The following PLXDC1 variants were observed in gnomAD, a reference collection of about 807,000 sequenced individuals.
PLXDC1 encodes plexin domain-containing protein 1.
A neutral mutation model predicts 61.3 loss-of-function variants in PLXDC1; 39 were observed. That is an observed-to-expected ratio of 0.64 (90% CI 0.49 to 0.83). The LOEUF (loss-of-function observed/expected upper bound fraction) is 0.83. PLXDC1 is among the 40% of genes least tolerant of loss of function. The pLI, the probability that PLXDC1 is intolerant of heterozygous loss-of-function variation, is 0.00. For synonymous variants in PLXDC1, 212 were observed against 254.5 expected (o/e 0.83, Z 1.59); for missense variants, 596 against 666.5 (o/e 0.89, Z 1.17).
At position 39,067,830 on chromosome 17, in the gene PLXDC1, C is replaced by A. The variant is rs766695318; in HGVS notation, c.*10G>T. 6.2e-7 allele frequency: 1 copy of A among 1,608,088 alleles called. No individual in the cohort carries two copies. Among genetic ancestry groups the A allele is most frequent in the Non-Finnish European group, 8.5e-7 (1 of 1,176,244 alleles). ...GGCCTCAAAGTCTTCAAAGGGGAGACTTGGTGTTCTCAGCACTGCTCAGCC... is the reference window on the plus strand; with the variant it reads ...GGCCTCAAAGTCTTCAAAGGGGAGAATTGGTGTTCTCAGCACTGCTCAGCC... On this transcript the variant is annotated 3_prime_UTR_variant, in exon 14 of 14. Transcript: ENST00000315392.
At chr17:39,108,267 G>A (rs200730916) in intron 4 of PLXDC1, 22 bp from the exon 5 acceptor site, 10 of 1,613,116 alleles carry the variant, frequency 6.2e-6, no homozygotes, top group South Asian at 1.1e-5. Flanking sequence ...GAGGTGCAGA[G>A]GAGTCACCAG....
At chr17:39,072,542 ACT>A in intron 11 of PLXDC1, 57 bp from the exon 12 acceptor site, 3 of 1,091,638 alleles carry the variant, frequency 2.7e-6, no homozygotes, top group Non-Finnish European at 4.1e-6. Flanking sequence ...AGCCTTTGTC[ACT>A]CTGAGTCCAG....
rs1161140876 is a variant in PLXDC1, at chr17:39,095,377, CCCAACCCCCCAA to C, written c.812-7687_812-7676del. ...GAATCCTTACGCCCCGCCCCCCCCC[CCCAACCCCCCAA>C]GCCTGGGTTATTTGTTTTGGATTGT... is the stretch of plus-strand genomic sequence containing the variant. On this transcript the variant is annotated intron_variant, in intron 7 of 13. Transcript: ENST00000315392. Among the ~76,000 whole-genome samples, 12 of 58,382 alleles carry C rather than the reference CCCAACCCCCCAA, an allele frequency of 2.1e-4. No individual in the cohort carries two copies. In the East Asian group the frequency reaches 5.0e-3, roughly 24 times the overall value. The allele number at this position is 58,382 out of a possible 152,430, so 38.3% of individuals were successfully genotyped here.
intron 10 of PLXDC1, 134 bp downstream of exon 10, chr17:39,078,970 C>T: frequency 1.4e-6 from 1 of 713,898 alleles, no homozygotes; most frequent in East Asian, 2.7e-5. Context: ...GAAAACAAAT[C>T]TTAGATGGAA....
intron 2 of PLXDC1, among the ~76,000 whole-genome samples, chr17:39,128,115 G>GTATATATT (rs1911390925): frequency 2.9e-5 from 1 of 34,614 alleles, no homozygotes; most frequent in African/African-American, 8.5e-5. Flanking sequence ...ATATATATAT[G>GTATATATT]TATATATATA....
Position 39,151,579 on chromosome 17 carries a change from G to A in PLXDC1, c.-142C>T, listed in dbSNP as rs2045373121. 8.5e-7 allele frequency: 1 copy of A among 1,182,270 alleles called. No homozygotes were observed. Among genetic ancestry groups the A allele is most frequent in the African/African-American group, 1.6e-5 (1 of 62,480 alleles). 73.2% of individuals were successfully genotyped at this position (1,182,270 alleles called of 1,614,324 possible). On this transcript the variant is annotated 5_prime_UTR_variant, in exon 1 of 14. Transcript: ENST00000315392. This position sits in a 1 kb window ranked among gnomAD's most constrained non-coding sequence, Gnocchi z 5.2. ...AGGAGACGGCGGAGCGCGGGGCCGG[G>A]CGAGCCGGCAGGAGCGGCGAGAGCG...
At position 39,067,939 on chromosome 17, in the gene PLXDC1, T is replaced by G; in HGVS notation, c.1404A>C (p.Pro468=). Residue 468 remains proline, a synonymous_variant, in exon 14 of 14, where the codon CCA becomes CCC. Transcript: ENST00000315392. ...CAGGGTGGCTGCGAAACTTCATGGC[T>G]GGCCAGTGGTGAGGTCTACGCTGCA... The part of the protein sequence containing the change: ...FFIERRPHHW[P]AMKFRSHPDH... The G allele has an allele frequency of 6.2e-7, 1 of 1,614,058 alleles. No individual in the cohort carries two copies. Among genetic ancestry groups the G allele is most frequent in the South Asian group, 1.1e-5 (1 of 91,076 alleles).
At chr17:39,090,262 T>A (rs1379797404) in intron 7 of PLXDC1, among the ~76,000 whole-genome samples, 1 of 152,176 alleles carries the variant, frequency 6.6e-6, no homozygotes. Context: ...TGGAATGTCA[T>A]TCCATGCAGT....
Position 39,088,676 on chromosome 17 carries a change from C to T in PLXDC1, c.812-974G>A, listed in dbSNP as rs566590668. On this transcript the variant is annotated intron_variant, in intron 7 of 13. Coordinates refer to ENST00000315392, the MANE Select transcript of PLXDC1 (RefSeq NM_020405.5). ...GGCAGCCCAGCCAGGCATGGTGGCT[C>T]ATGCCTGTAATCCCAGCACTTTGGG... Among the ~76,000 whole-genome samples the T allele has an allele frequency of 1.7e-3, 252 of 152,258 alleles. 1 individual carries two copies. The highest frequency in any genetic ancestry group is 5.8e-3 in the African/African-American group (241 of 41,562).
intron 2 of PLXDC1, among the ~76,000 whole-genome samples, chr17:39,110,853 G>A (rs983701426): frequency 6.6e-6 from 1 of 152,200 alleles, no homozygotes. Context: ...GGGGGACGAT[G>A]AGCGGAAGAA....
upstream of PLXDC1, chr17:39,151,660 C>G (rs1206400195): frequency 1.4e-4 from 32 of 235,792 alleles, no homozygotes; most frequent in Non-Finnish European, 1.6e-4. The surrounding 1 kb of genome is among the most constrained non-coding windows in gnomAD (Gnocchi z 5.2). Context: ...GGGGGGGCCG[C>G]TGGGTCGGTG....
At chr17:39,071,767 A>G (rs1237604808) in intron 12 of PLXDC1, among the ~76,000 whole-genome samples, 1 of 152,106 alleles carries the variant, frequency 6.6e-6, no homozygotes, top group Non-Finnish European at 1.5e-5. Flanking sequence ...GGGGGACACC[A>G]TCACACTGTG....
chr17:39,133,679 C>T (rs935869573), intron 2 of PLXDC1, among the ~76,000 whole-genome samples: 3 of 152,236 alleles, frequency 2.0e-5, no homozygotes, highest in Non-Finnish European at 2.9e-5. Flanking sequence ...AGTGCTGTGG[C>T]GCGACCATGG....
chr17:39,105,787 A>C, intron 7 of PLXDC1, 67 bp downstream of exon 7: 1 of 941,300 alleles, frequency 1.1e-6, no homozygotes, highest in Non-Finnish European at 1.7e-6. Context: ...TCCCCCCAGC[A>C]GCTCAGGTTC....
At chr17:39,129,639 AAGAGAGAG>A (rs142405651) in intron 2 of PLXDC1, among the ~76,000 whole-genome samples, 10 of 140,000 alleles carry the variant, frequency 7.1e-5, no homozygotes, top group African/African-American at 2.5e-4. Context: ...AAAAGAAAGA[AAGAGAGAG>A]AGAGAGAGAG....
At chr17:39,092,850 T>C (rs372141350) in intron 7 of PLXDC1, among the ~76,000 whole-genome samples, 28 of 152,268 alleles carry the variant, frequency 1.8e-4, no homozygotes, top group South Asian at 1.5e-3. Context: ...GAGTCCTGAA[T>C]TGCCGTTGTT....
At chr17:39,141,657 G>A (rs940206823) in intron 1 of PLXDC1, among the ~76,000 whole-genome samples, 2 of 152,210 alleles carry the variant, frequency 1.3e-5, no homozygotes, top group Non-Finnish European at 2.9e-5. Flanking sequence ...ATACCCAGAA[G>A]CGGAATTGCT....
intron 2 of PLXDC1, among the ~76,000 whole-genome samples, chr17:39,114,306 T>C (rs1189771505): frequency 6.6e-6 from 1 of 152,216 alleles, no homozygotes; most frequent in African/African-American, 2.4e-5. Flanking sequence ...CACCACACAG[T>C]TGTCTGCCTC....
At chr17:39,080,829 C>G (rs749677453) in intron 9 of PLXDC1, 3 of 152,412 alleles carry the variant, frequency 2.0e-5, no homozygotes, top group Non-Finnish European at 4.4e-5. Context: ...TGCCCTTCCC[C>G]CAGCCTGACC....
Sources: gnomAD v4.1 joint callset for allele counts (sites outside exome capture counted in the v4.1 genomes callset) on GRCh38, gnomAD v4.1.1 for gene constraint, Gnocchi (gnomAD v3.1) non-coding constraint, MANE v1.5 for transcripts, NCBI Gene and HGNC (gene_info 2026-07-23, HGNC 2026-07-21) for gene names.